The following AFF3 variants were observed in gnomAD, a reference collection of about 807,000 sequenced individuals.
AFF3 encodes the protein AF4/FMR2 family member 3.
Under a neutral mutation model 129.7 loss-of-function variants are expected in AFF3, and 32 were observed. The observed-to-expected ratio is 0.25, with a 90% confidence interval of 0.19 to 0.33. The LOEUF is 0.33. Among genes scored for constraint, AFF3 ranks in the 10% least tolerant of loss-of-function variants. AFF3 has a pLI of 1.00. For synonymous variants in AFF3, 644 were observed against 635.4 expected (o/e 1.01, Z -0.20); for missense variants, 1,373 against 1,592.0 (o/e 0.86, Z 2.34).
intron 13 of AFF3, among the ~76,000 whole-genome samples, chr2:99,626,145 T>C (rs1053743424): frequency 6.6e-6 from 1 of 152,198 alleles, no homozygotes; most frequent in Non-Finnish European, 1.5e-5. Context: ...AGAACCAGCT[T>C]GGTAGAAATG....
At chr2:99,823,053 T>C (rs1162175090) in intron 8 of AFF3, among the ~76,000 whole-genome samples, 1 of 152,140 alleles carries the variant, frequency 6.6e-6, no homozygotes, top group African/African-American at 2.4e-5. Context: ...CCTTCATGCT[T>C]TCCCTCTGGT....
At chr2:99,676,935 C>T (rs1673993014) in intron 11 of AFF3, among the ~76,000 whole-genome samples, 1 of 152,098 alleles carries the variant, frequency 6.6e-6, no homozygotes, top group African/African-American at 2.4e-5. Context: ...GGGGTGTTGC[C>T]AGATGACAAT....
chr2:100,050,213 G>T (rs1382099167), intron 4 of AFF3, among the ~76,000 whole-genome samples: 1 of 152,004 alleles, frequency 6.6e-6, no homozygotes, highest in African/African-American at 2.4e-5. Flanking sequence ...GGAAAAAAAG[G>T]CAGTTATGCT....
intron 11 of AFF3, among the ~76,000 whole-genome samples, chr2:99,672,989 C>T (rs1687300917): frequency 6.6e-6 from 1 of 151,598 alleles, no homozygotes; most frequent in Non-Finnish European, 1.5e-5. Context: ...GATCATTACA[C>T]ATTGAATCCC....
At chr2:99,645,165 C>G (rs181569972) in intron 13 of AFF3, among the ~76,000 whole-genome samples, 4 of 152,182 alleles carry the variant, frequency 2.6e-5, no homozygotes, top group Admixed American at 6.5e-5. Flanking sequence ...TGAAGCCCCC[C>G]CTCTACGAAA....
intron 11 of AFF3, among the ~76,000 whole-genome samples, chr2:99,713,931 C>T (rs1365615228): frequency 1.3e-5 from 2 of 151,942 alleles, no homozygotes. Context: ...GAACTCCTGA[C>T]CTCAGGTGAT....
chr2:100,035,521 CGAAGAAGCACA>C (rs1559075426), intron 4 of AFF3, among the ~76,000 whole-genome samples: 12 of 152,248 alleles, frequency 7.9e-5, no homozygotes, highest in Non-Finnish European at 1.6e-4. Flanking sequence ...TCAGCCTTAG[CGAAGAAGCACA>C]TGGGAGCAGA....
intron 7 of AFF3, among the ~76,000 whole-genome samples, chr2:99,886,129 A>G (rs1693095071): frequency 6.6e-6 from 1 of 152,116 alleles, no homozygotes; most frequent in East Asian, 1.9e-4. Flanking sequence ...TTTCAAATAT[A>G]CCTCGTATGT....
rs1692693619 is a variant in AFF3, at chr2:99,881,285, CAG to C, written c.874-43763_874-43762del. Among the ~76,000 whole-genome samples the C allele has an allele frequency of 2.0e-5, 3 of 151,970 alleles. No individual in the cohort carries two copies. The South Asian group carries it at 6.2e-4, about 32-fold the overall frequency. On this transcript the variant is annotated intron_variant, in intron 7 of 24. Transcript: ENST00000672756. ...GCTGGCATAAAATGTTATTAGGCTA[CAG>C]AGATTGTCTTTTGTTCAGGAAGTAT...
At chr2:99,617,830 A>T (rs1411485765) in intron 13 of AFF3, among the ~76,000 whole-genome samples, 2 of 152,210 alleles carry the variant, frequency 1.3e-5, no homozygotes, top group African/African-American at 4.8e-5. Context: ...AGCTACAGTT[A>T]TGTCTACAGA....
rs191418129 is a variant in AFF3 at position 99,828,632 on chromosome 2, T to C, written c.921+8845A>G. ...CACAGGCTGAAACCAGCAAGGCTTT[T>C]GGGGAGAAACACTGTAGTGCCCTTA... On this transcript the variant is annotated intron_variant, in intron 8 of 24. Transcript: ENST00000672756. Among the ~76,000 whole-genome samples the C allele has an allele frequency of 4.1e-3, 621 of 152,316 alleles. 6 individuals are homozygous for C. The highest frequency in any genetic ancestry group is 7.0e-3 in the Non-Finnish European group (474 of 68,018).
At chr2:99,958,163 GA>G (rs939827746) in intron 7 of AFF3, among the ~76,000 whole-genome samples, 3 of 152,058 alleles carry the variant, frequency 2.0e-5, no homozygotes, top group Admixed American at 2.0e-4. Flanking sequence ...GCAAAGCCTG[GA>G]AAAATTGATG....
intron 8 of AFF3, among the ~76,000 whole-genome samples, chr2:99,810,269 G>T (rs1163283562): frequency 1.3e-5 from 2 of 152,216 alleles, no homozygotes; most frequent in African/African-American, 4.8e-5. Flanking sequence ...ACAACTTGAT[G>T]TCAGCTCAGC....
chr2:99,764,656 G>A (rs1682867212), intron 8 of AFF3, among the ~76,000 whole-genome samples: 1 of 152,134 alleles, frequency 6.6e-6, no homozygotes, highest in Non-Finnish European at 1.5e-5. Context: ...ATTGTTCTTA[G>A]AACTGAGCAT....
At chr2:99,885,047 C>A (rs1379593571) in intron 7 of AFF3, among the ~76,000 whole-genome samples, 1 of 152,178 alleles carries the variant, frequency 6.6e-6, no homozygotes. Context: ...TTCCACTGTT[C>A]AGTTCTCCAG....
intron 4 of AFF3, among the ~76,000 whole-genome samples, chr2:100,081,240 T>A (rs1165586836): frequency 6.6e-6 from 1 of 152,118 alleles, no homozygotes; most frequent in Non-Finnish European, 1.5e-5. Flanking sequence ...ATTACACTTG[T>A]ACTCCATACA....
intron 4 of AFF3, among the ~76,000 whole-genome samples, chr2:100,035,514 G>A (rs528705775): frequency 1.5e-4 from 23 of 152,182 alleles, no homozygotes; most frequent in Non-Finnish European, 2.9e-4. Context: ...TTTTTGATCA[G>A]CCTTAGCGAA....
At chr2:100,104,674 C>T in intron 3 of AFF3, 156 bp from the exon 4 acceptor site, 3 of 976,726 alleles carry the variant, frequency 3.1e-6, no homozygotes, top group Non-Finnish European at 3.6e-6. Flanking sequence ...TCACCCGCTC[C>T]CCGGCTTGCG....
intron 7 of AFF3, among the ~76,000 whole-genome samples, chr2:99,938,500 C>A (rs748596623): frequency 1.3e-5 from 2 of 152,132 alleles, no homozygotes; most frequent in African/African-American, 2.4e-5. Context: ...CTAGCTAGGT[C>A]ACAGTACCCA....
Sources: allele counts gnomAD v4.1 joint callset (sites outside exome capture counted in the v4.1 genomes callset), GRCh38; gene constraint gnomAD v4.1.1; transcripts MANE v1.5; gene names NCBI Gene and HGNC (gene_info 2026-07-23, HGNC 2026-07-21).